Variants in ADAMTS6 observed in about 807,000 individuals in gnomAD.
ADAMTS6 encodes ADAM metallopeptidase with thrombospondin type 1 motif 6.
ADAMTS6 carries 23 observed loss-of-function variants against 144.3 expected under a neutral mutation model. That is an observed-to-expected ratio of 0.16 (90% CI 0.11 to 0.23). The LOEUF (loss-of-function observed/expected upper bound fraction) is 0.23. Ranked by LOEUF, ADAMTS6 falls within the 10% of genes least tolerant of loss-of-function variation. The pLI is 1.00. For synonymous variants in ADAMTS6, 444 were observed against 457.5 expected, an observed-to-expected ratio of 0.97 and a Z score of 0.38; for missense variants, 999 against 1,379.6, an observed-to-expected ratio of 0.72 and a Z score of 4.37.
At chr5:65,155,610 T>C (rs571662033) in intron 24 of ADAMTS6, among the ~76,000 whole-genome samples, 1 of 152,352 alleles carries the variant, frequency 6.6e-6, no homozygotes, top group East Asian at 1.9e-4. Context: ...CATGACCGTA[T>C]ATAAAATGTC....
rs1018892935 is a variant in ADAMTS6 at position 65,397,807 on chromosome 5, G to A, written c.1073+53668C>T. Among the ~76,000 whole-genome samples, 5 of 148,718 alleles carry A rather than the reference G, an allele frequency of 3.4e-5. No individual in the cohort carries two copies. In the East Asian group the frequency reaches 9.9e-4, roughly 29 times the overall value. On this transcript the variant is annotated intron_variant, in intron 7 of 24. Transcript: ENST00000381055. Reference sequence around the variant, plus strand: ...TGGGAGGATTGCTTGAGCCCAGGAAGCAGAGGATGCAGTGAGCTATGATTT... The same window carrying A: ...TGGGAGGATTGCTTGAGCCCAGGAAACAGAGGATGCAGTGAGCTATGATTT...
chr5:65,349,776 A>G (rs1748676379), intron 7 of ADAMTS6, among the ~76,000 whole-genome samples: 1 of 151,070 alleles, frequency 6.6e-6, no homozygotes, highest in South Asian at 2.1e-4. Flanking sequence ...AATTGCTTGA[A>G]CCCAAGAGGC....
At chr5:65,345,087 A>C (rs1748191499) in intron 7 of ADAMTS6, among the ~76,000 whole-genome samples, 1 of 151,802 alleles carries the variant, frequency 6.6e-6, no homozygotes, top group Admixed American at 6.6e-5. Flanking sequence ...TCTCGATTGT[A>C]TCCCAGCATC....
At chr5:65,355,797 A>C (rs1749264674) in intron 7 of ADAMTS6, among the ~76,000 whole-genome samples, 2 of 151,904 alleles carry the variant, frequency 1.3e-5, no homozygotes, top group African/African-American at 4.8e-5. Context: ...TAGAGTTTGT[A>C]TATTATAATT....
intron 1 of ADAMTS6, among the ~76,000 whole-genome samples, chr5:65,474,832 A>G (rs1184367277): frequency 1.3e-5 from 2 of 151,490 alleles, no homozygotes; most frequent in Non-Finnish European, 2.9e-5. Flanking sequence ...AAAAACGAAA[A>G]TGTAGTTTTA....
chr5:65,153,684 C>G (rs929730819), intron 24 of ADAMTS6, among the ~76,000 whole-genome samples: 5 of 152,084 alleles, frequency 3.3e-5, no homozygotes, highest in Admixed American at 3.3e-4. Flanking sequence ...AAATACTGCC[C>G]TAAAGACACA....
chr5:65,308,890 A>T (rs1359498173), intron 9 of ADAMTS6, among the ~76,000 whole-genome samples: 1 of 152,226 alleles, frequency 6.6e-6, no homozygotes, highest in African/African-American at 2.4e-5. Flanking sequence ...GGAGGGGAGA[A>T]CTTCAATACC....
At chr5:65,247,770 C>T (rs1759759688) in intron 14 of ADAMTS6, among the ~76,000 whole-genome samples, 1 of 152,106 alleles carries the variant, frequency 6.6e-6, no homozygotes, top group South Asian at 2.1e-4. Flanking sequence ...AACTGGTCTT[C>T]TGTTCATCTG....
chr5:65,163,104 C>G (rs943617015), intron 24 of ADAMTS6, among the ~76,000 whole-genome samples: 1 of 152,106 alleles, frequency 6.6e-6, no homozygotes, highest in African/African-American at 2.4e-5. Context: ...GAGACAGTGT[C>G]TCACTATGCT....
At position 65,178,834 on chromosome 5, in the gene ADAMTS6, G is replaced by A. The variant is rs34365250; in HGVS notation, c.2911-5826C>T. 4.5e-3 allele frequency among the ~76,000 whole-genome samples: 682 copies of A among 152,166 alleles called. 6 individuals carry two copies. The highest frequency in any genetic ancestry group is 7.9e-3 in the Non-Finnish European group (540 of 68,000). ...CAAAGCTTGCTATATGAAAATCCCC[G>A]CATAACCACTGAAGTTTGCAACACC... is the stretch of plus-strand genomic sequence containing the variant. On this transcript the variant is annotated intron_variant, in intron 22 of 24. Coordinates refer to ENST00000381055, the MANE Select transcript of ADAMTS6 (RefSeq NM_197941.4).
chr5:65,248,143 C>T (rs1444028177), intron 14 of ADAMTS6, among the ~76,000 whole-genome samples: 2 of 152,124 alleles, frequency 1.3e-5, no homozygotes, highest in Non-Finnish European at 2.9e-5. Flanking sequence ...AATTTCCTGA[C>T]TCCCTAGTTA....
intron 9 of ADAMTS6, among the ~76,000 whole-genome samples, chr5:65,307,226 C>T (rs1450160859): frequency 1.3e-5 from 2 of 152,168 alleles, no homozygotes; most frequent in African/African-American, 2.4e-5. Context: ...TCCAAAGTGG[C>T]TGTTAATAAT....
rs554499504 is a variant in ADAMTS6 at position 65,311,434 on chromosome 5, T to A, written c.1224-11303A>T. 3.3e-5 allele frequency among the ~76,000 whole-genome samples: 5 copies of A among 152,288 alleles called. No homozygotes were observed. The South Asian group carries it at 1.0e-3, about 32-fold the overall frequency. The stretch of plus-strand genomic sequence containing the variant: ...GCATGTATCAGTCTATTGACATGCA[T>A]GCTTTTCTGAAATATTTTAAACATT... On this transcript the variant is annotated intron_variant, in intron 9 of 24. Transcript: ENST00000381055.
chr5:65,348,732 A>G (rs1303132463), intron 7 of ADAMTS6, among the ~76,000 whole-genome samples: 1 of 152,148 alleles, frequency 6.6e-6, no homozygotes, highest in Non-Finnish European at 1.5e-5. Flanking sequence ...GAATATATAC[A>G]TATATCAGAA....
intron 7 of ADAMTS6, among the ~76,000 whole-genome samples, chr5:65,435,428 T>A (rs1214670873): frequency 2.0e-5 from 3 of 152,124 alleles, no homozygotes. Context: ...TCTACATGGG[T>A]TTCTTATATT....
At chr5:65,331,489 A>G (rs1746711911) in intron 8 of ADAMTS6, among the ~76,000 whole-genome samples, 1 of 152,134 alleles carries the variant, frequency 6.6e-6, no homozygotes. Context: ...TGAAATATAA[A>G]GCTAAATCTT....
chr5:65,374,801 T>A (rs367958698), intron 7 of ADAMTS6, among the ~76,000 whole-genome samples: 11 of 152,266 alleles, frequency 7.2e-5, no homozygotes, highest in East Asian at 5.8e-4. Context: ...TGCATCGCCA[T>A]GTCAATCCTA....
intron 7 of ADAMTS6, chr5:65,416,122 T>C: frequency 5.3e-6 from 1 of 190,468 alleles, no homozygotes; most frequent in African/African-American, 2.3e-5. Context: ...GAGACTGTAT[T>C]CACCAAGTCT....
intron 24 of ADAMTS6, among the ~76,000 whole-genome samples, chr5:65,163,100 G>A (rs1392545604): frequency 6.6e-6 from 1 of 152,076 alleles, no homozygotes; most frequent in Admixed American, 6.6e-5. Flanking sequence ...TGTAGAGACA[G>A]TGTCTCACTA....
Sources: gnomAD v4.1 joint callset for allele counts (sites outside exome capture counted in the v4.1 genomes callset) on GRCh38, gnomAD v4.1.1 for gene constraint, MANE v1.5 for transcripts, NCBI Gene and HGNC (gene_info 2026-07-23, HGNC 2026-07-21) for gene names.